Variants in ADCY3 observed in about 807,000 individuals in gnomAD.
ADCY3 encodes adenylate cyclase type 3.
ADCY3 carries 70 observed loss-of-function variants against 119.4 expected under a neutral mutation model. The observed-to-expected ratio is 0.59, with a 90% CI of 0.48 to 0.72. ADCY3 has a LOEUF of 0.72. Among genes scored for constraint, ADCY3 ranks in the 30% least tolerant of loss-of-function variants. The probability of loss-of-function intolerance (pLI) is 0.00; values close to 1 mark genes in which losing one functional copy is unlikely to be tolerated. For synonymous variants in ADCY3, 672 were observed against 621.4 expected (o/e 1.08, Z -1.21); for missense variants, 1,238 against 1,541.6 (o/e 0.80, Z 3.30).
At chr2:24,886,319 G>C (rs564844240) in intron 2 of ADCY3, among the ~76,000 whole-genome samples, 53 of 152,282 alleles carry the variant, frequency 3.5e-4, no homozygotes, top group Non-Finnish European at 7.2e-4. Context: ...CCCAATGTGG[G>C]AAGCACGCAC....
chr2:24,825,723 G>A (rs979791548), intron 16 of ADCY3: 8 of 329,246 alleles, frequency 2.4e-5, no homozygotes, highest in East Asian at 7.4e-5. Flanking sequence ...CGGGGAGTGC[G>A]GGGGCCATGA....
At chr2:24,911,651 A>ACC (rs1242038898) in intron 2 of ADCY3, among the ~76,000 whole-genome samples, 2 of 145,982 alleles carry the variant, frequency 1.4e-5, no homozygotes, top group African/African-American at 5.2e-5. Context: ...AAAAAAAAAA[A>ACC]AAAAAAACAC....
intron 19 of ADCY3, 66 bp downstream of exon 19, chr2:24,822,445 G>C: frequency 6.3e-7 from 1 of 1,594,088 alleles, no homozygotes; most frequent in Non-Finnish European, 8.6e-7. Context: ...CCCATGCTAG[G>C]TCTGGGCTGC....
In ADCY3 at chr2:24,911,373, G is replaced by A. The variant is rs191886634; in HGVS notation, c.675+6940C>T. 9.9e-5 allele frequency among the ~76,000 whole-genome samples: 15 copies of A among 151,528 alleles called. 1 individual carries two copies. The highest frequency in any genetic ancestry group is 1.8e-4 in the Non-Finnish European group (12 of 67,880). On this transcript the variant is annotated intron_variant, in intron 2 of 21. Transcript: ENST00000679454. Reference sequence around the variant, plus strand: ...CAAGACACACACCATCAGCCTGGGCGCTGTGGTTCATGCCTGTAATCCCAG... The same window carrying A: ...CAAGACACACACCATCAGCCTGGGCACTGTGGTTCATGCCTGTAATCCCAG...
intron 9 of ADCY3, 120 bp from the exon 10 acceptor site, chr2:24,835,056 C>T: frequency 7.7e-7 from 1 of 1,298,030 alleles, no homozygotes; most frequent in Non-Finnish European, 1.0e-6. Flanking sequence ...GGACCAATCC[C>T]TCCAGCTCTA....
chr2:24,821,714 A>G (rs899296357), intron 19 of ADCY3, 74 bp from the exon 20 acceptor site: 1 of 1,575,472 alleles, frequency 6.3e-7, no homozygotes, highest in Middle Eastern at 1.7e-4. Context: ...CTTCCCTGGC[A>G]GTGTTCTGGG....
chr2:24,912,395 T>G (rs1663826162), intron 2 of ADCY3, among the ~76,000 whole-genome samples: 1 of 151,908 alleles, frequency 6.6e-6, no homozygotes, highest in Non-Finnish European at 1.5e-5. Flanking sequence ...GAGGGTGGTG[T>G]TGGAATATTT....
intron 2 of ADCY3, among the ~76,000 whole-genome samples, chr2:24,883,818 C>T (rs1322216953): frequency 1.3e-5 from 2 of 152,212 alleles, no homozygotes; most frequent in African/African-American, 4.8e-5. Flanking sequence ...GAACAGATCA[C>T]TGATGACACA....
chr2:24,842,215 C>A lies in ADCY3; in HGVS notation c.956+39G>T, dbSNP rs751450147. 3.3e-5 allele frequency: 53 copies of A among 1,612,434 alleles called. No individual in the cohort carries two copies. The highest frequency in any genetic ancestry group is 4.2e-5 in the Non-Finnish European group (50 of 1,179,660). The stretch of plus-strand genomic sequence containing the variant: ...CCACAAAGATGCAGCCCTCCACAGC[C>A]TGCTCTGCCATCAGAGCCCGCGCCC... On this transcript the variant is annotated intron_variant, in intron 4 of 21. Transcript: ENST00000679454. The surrounding 1 kb of genome is among the most constrained non-coding windows in gnomAD (Gnocchi z 4.9).
chr2:24,832,114 C>G (rs1034583974), intron 11 of ADCY3: 22 of 289,064 alleles, frequency 7.6e-5, no homozygotes, highest in African/African-American at 4.0e-4. Flanking sequence ...GGCCTCTCAG[C>G]ACAGCACGAG....
chr2:24,916,013 T>C (rs1664404117), intron 2 of ADCY3, among the ~76,000 whole-genome samples: 1 of 152,206 alleles, frequency 6.6e-6, no homozygotes, highest in Admixed American at 6.5e-5. Flanking sequence ...CTGCCTTCGA[T>C]CTCAGGCTCC....
At position 24,841,382 on chromosome 2, in the gene ADCY3, T is replaced by C. The variant is rs745835319; in HGVS notation, c.1073A>G (p.Tyr358Cys). 2 of 1,610,320 alleles carry C rather than the reference T, an allele frequency of 1.2e-6. No homozygotes were observed. The highest frequency in any genetic ancestry group is 1.7e-6 in the Non-Finnish European group (2 of 1,178,628). Residue 358 changes from tyrosine to cysteine, a missense_variant, in exon 6 of 22, where the codon TAC (tyrosine) becomes TGC (cysteine). Physicochemically the swap from Tyr to Cys is radical, Grantham distance 194 (BLOSUM62 -2). Coordinates refer to ENST00000679454, the MANE Select transcript of ADCY3 (RefSeq NM_004036.5). The surrounding 1 kb of genome is among the most constrained non-coding windows in gnomAD (Gnocchi z 5.8). Reference protein sequence around the residue: ...FARFDKLAAKYHQLRIKILGD... With the variant: ...FARFDKLAAKCHQLRIKILGD... Reference sequence around the variant, plus strand: ...CAGGATCTTAATCCGCAGCTGGTGGTATTTCTGAAAGGGGAGGGCCTGGCC... The same window carrying C: ...CAGGATCTTAATCCGCAGCTGGTGGCATTTCTGAAAGGGGAGGGCCTGGCC...
At chr2:24,824,221 C>T (rs916862545) in intron 17 of ADCY3, among the ~76,000 whole-genome samples, 157 bp downstream of exon 17, 6 of 152,234 alleles carry the variant, frequency 3.9e-5, no homozygotes, top group Non-Finnish European at 8.8e-5. Context: ...GGAGAAATTC[C>T]TCTTTTGCTT....
At chr2:24,821,046 C>CT in intron 20 of ADCY3, 198 bp from the exon 21 acceptor site, 1 of 704,798 alleles carries the variant, frequency 1.4e-6, no homozygotes, top group African/African-American at 1.9e-5. Flanking sequence ...TGTCAGCCGC[C>CT]ACCCCCCCCC....
At chr2:24,877,189 C>T (rs556883911) in intron 2 of ADCY3, among the ~76,000 whole-genome samples, 19 of 152,356 alleles carry the variant, frequency 1.2e-4, no homozygotes, top group African/African-American at 4.6e-4. Context: ...GTGTCCTCAG[C>T]CCATCCTGGC....
chr2:24,840,197 G>GGCCAGCCCAGA (rs1670834443), intron 6 of ADCY3, among the ~76,000 whole-genome samples, 166 bp from the exon 7 acceptor site: 6 of 152,200 alleles, frequency 3.9e-5, no homozygotes, highest in Admixed American at 3.9e-4. Flanking sequence ...GGCAGGCCAG[G>GGCCAGCCCAGA]GCCAGCCCAG....
intron 2 of ADCY3, among the ~76,000 whole-genome samples, chr2:24,886,464 G>C (rs901760580): frequency 6.6e-6 from 1 of 152,000 alleles, no homozygotes; most frequent in African/African-American, 2.4e-5. Context: ...CCTCCACCCG[G>C]ACCTTGCAAA....
chr2:24,855,836 C>A (rs1252855780), intron 3 of ADCY3, among the ~76,000 whole-genome samples: 1 of 152,110 alleles, frequency 6.6e-6, no homozygotes, highest in Non-Finnish European at 1.5e-5. Context: ...AGCTTCTCAC[C>A]CCAGGGCAAT....
chr2:24,890,037 T>C (rs1019358170), intron 2 of ADCY3, among the ~76,000 whole-genome samples: 9 of 152,216 alleles, frequency 5.9e-5, no homozygotes, highest in Admixed American at 4.6e-4. Flanking sequence ...TCTGAATGGA[T>C]GCTGAATTTT....
Sources: allele counts gnomAD v4.1 joint callset (sites outside exome capture counted in the v4.1 genomes callset), GRCh38; gene constraint gnomAD v4.1.1; non-coding constraint Gnocchi (gnomAD v3.1); transcripts MANE v1.5; gene names NCBI Gene and HGNC (gene_info 2026-07-23, HGNC 2026-07-21).